The following RARB variants were observed in gnomAD, a reference collection of about 807,000 sequenced individuals.
RARB encodes retinoic acid receptor beta.
Under a neutral mutation model 51.9 loss-of-function variants are expected in RARB, and 17 were observed. The ratio of observed to expected loss-of-function variants is 0.33; its 90% CI spans 0.22 to 0.49. The LOEUF (loss-of-function observed/expected upper bound fraction) is 0.49, where lower values mean the gene tolerates loss of function less well. RARB is among the 20% of genes least tolerant of loss of function. The pLI is 0.99. For synonymous variants in RARB, 215 were observed against 195.4 expected (o/e 1.10, Z -0.84); for missense variants, 369 against 550.8 (o/e 0.67, Z 3.30).
chr3:24,912,972 A>ATTTTTTTTTTTTTTTTTTT lies in RARB; in HGVS notation c.-380+54222_-380+54223insTTTTTTTTTTTTTTTTTTT, dbSNP rs71622787. On this transcript the variant is annotated intron_variant, in intron 2 of 11. Coordinates refer to the RARB transcript ENST00000383772. ...GTGGCAATACGCACACAAGGTACTGATTCTTTTTTTTTTTTTTTTTTTTTT... is the reference window on the plus strand; with the variant it reads ...GTGGCAATACGCACACAAGGTACTGATTTTTTTTTTTTTTTTTTTTTCTTTTTTTTTTTTTTTTTTTTTT... Among the ~76,000 whole-genome samples the ATTTTTTTTTTTTTTTTTTT allele has an allele frequency of 4.2e-4, 24 of 57,640 alleles. 1 individual carries two copies. Among genetic ancestry groups the ATTTTTTTTTTTTTTTTTTT allele is most frequent in the Non-Finnish European group, 5.5e-4 (15 of 27,506 alleles). 37.8% of individuals were successfully genotyped at this position (57,640 alleles called of 152,430 possible).
intron 3 of RARB, among the ~76,000 whole-genome samples, chr3:25,548,890 A>G (rs1318073896): frequency 6.6e-6 from 1 of 152,158 alleles, no homozygotes. Flanking sequence ...AGGGTGAGCC[A>G]CAAGGTATCT....
rs769275874 is a variant in RARB, at chr3:24,989,774, C to CTTTTTTT, written c.-379-70321_-379-70315dup. ...ATTTTAACTGTTGTCATATGTTTTTCTTTTTTTTTTTTTTTTTTTTTTTTT... is the reference window on the plus strand; with the variant it reads ...ATTTTAACTGTTGTCATATGTTTTTCTTTTTTTTTTTTTTTTTTTTTTTTTTTTTTTT... On this transcript the variant is annotated intron_variant, in intron 2 of 11. Coordinates refer to the RARB transcript ENST00000383772. Among the ~76,000 whole-genome samples the CTTTTTTT allele has an allele frequency of 2.0e-4, 6 of 29,530 alleles. 1 individual carries two copies. Among genetic ancestry groups the CTTTTTTT allele is most frequent in the African/African-American group, 2.5e-4 (2 of 7,882 alleles). 19.4% of individuals were successfully genotyped at this position (29,530 alleles called of 152,430 possible).
intron 2 of RARB, among the ~76,000 whole-genome samples, chr3:24,980,326 G>C (rs1231612541): frequency 6.6e-6 from 1 of 152,152 alleles, no homozygotes; most frequent in East Asian, 1.9e-4. Flanking sequence ...TGCCTTGCTA[G>C]CTTGGGGAAG....
intron 1 of RARB, among the ~76,000 whole-genome samples, chr3:25,446,024 A>C (rs1708915982): frequency 6.6e-6 from 1 of 152,256 alleles, no homozygotes; most frequent in African/African-American, 2.4e-5. Flanking sequence ...CATGATAAAT[A>C]ATCCCAATAG....
chr3:25,205,736 T>C (rs2125374382), intron 5 of RARB, among the ~76,000 whole-genome samples: 1 of 151,198 alleles, frequency 6.6e-6, no homozygotes, highest in South Asian at 2.2e-4. Flanking sequence ...TAAAAACAAA[T>C]ATTAAAAACC....
intron 1 of RARB, among the ~76,000 whole-genome samples, chr3:25,437,210 G>C (rs1708473084): frequency 6.6e-6 from 1 of 150,882 alleles, no homozygotes; most frequent in Non-Finnish European, 1.5e-5. Flanking sequence ...CTAGGTGGCA[G>C]TCCTTTCTGT....
chr3:25,288,599 G>T (rs1703711554), intron 5 of RARB, among the ~76,000 whole-genome samples: 1 of 152,142 alleles, frequency 6.6e-6, no homozygotes, highest in African/African-American at 2.4e-5. Context: ...TCCATTTGGT[G>T]AATGATTACC....
At chr3:24,944,563 C>T (rs1349688613) in intron 2 of RARB, among the ~76,000 whole-genome samples, 1 of 152,138 alleles carries the variant, frequency 6.6e-6, no homozygotes, top group South Asian at 2.1e-4. Flanking sequence ...AGAATTTAAA[C>T]CTACAAATGC....
At chr3:25,155,667 A>G (rs760574007) in intron 4 of RARB, among the ~76,000 whole-genome samples, 3 of 152,204 alleles carry the variant, frequency 2.0e-5, no homozygotes, top group African/African-American at 7.2e-5. Context: ...AAAAAGCTTT[A>G]TGATCTCTCA....
intron 3 of RARB, among the ~76,000 whole-genome samples, chr3:25,545,654 T>TTCCTG (rs1364700692): frequency 6.6e-6 from 1 of 152,182 alleles, no homozygotes; most frequent in Non-Finnish European, 1.5e-5. Flanking sequence ...CTCTGCATTG[T>TTCCTG]TCCTGTCCTG....
rs187093669 is a variant in RARB, at chr3:25,515,956, C to G, written c.448+14633C>G. On this transcript the variant is annotated intron_variant, in intron 3 of 7. Transcript: ENST00000330688. ...GTGTTATCATCAAGAAGAGTAATAC[C>G]TCTCATTAGAAGAATCTTCCTTCCT... 1.5e-3 allele frequency among the ~76,000 whole-genome samples: 228 copies of G among 152,274 alleles called. 4 individuals are homozygous for G. Among genetic ancestry groups the G allele is most frequent in the Non-Finnish European group, 4.3e-4 (29 of 68,016 alleles).
At chr3:25,135,803 A>G (rs115693758) in intron 4 of RARB, among the ~76,000 whole-genome samples, 1,660 of 152,140 alleles carry the variant, frequency 0.011, 34 homozygotes, top group African/African-American at 0.038. Context: ...GGACATATCA[A>G]TCAGGCACCA....
chr3:25,302,374 G>A (rs772139578), intron 5 of RARB, among the ~76,000 whole-genome samples: 27 of 152,148 alleles, frequency 1.8e-4, no homozygotes, highest in Non-Finnish European at 3.4e-4. Context: ...ATATTCAACT[G>A]ATGAATGGAT....
chr3:25,225,861 A>G (rs1702044529), intron 5 of RARB, among the ~76,000 whole-genome samples: 1 of 152,226 alleles, frequency 6.6e-6, no homozygotes. Context: ...AGAGTTGAGC[A>G]ACCTGATAAT....
At chr3:25,065,207 C>T (rs562977879) in intron 3 of RARB, among the ~76,000 whole-genome samples, 17 of 151,198 alleles carry the variant, frequency 1.1e-4, no homozygotes, top group South Asian at 2.1e-4. Flanking sequence ...TATTAAAACT[C>T]CTTGCGAACA....
intron 3 of RARB, among the ~76,000 whole-genome samples, chr3:25,568,960 G>A (rs949563189): frequency 2.1e-4 from 32 of 152,332 alleles, no homozygotes; most frequent in African/African-American, 7.2e-4. Context: ...GAGGAAGCAC[G>A]GGCTTCCATA....
At chr3:25,513,326 G>A (rs1697997220) in intron 3 of RARB, among the ~76,000 whole-genome samples, 5 of 150,776 alleles carry the variant, frequency 3.3e-5, no homozygotes, top group Admixed American at 2.0e-4. Flanking sequence ...AGAGAAAGAA[G>A]GAAAGAAAGG....
chr3:25,173,848 G>C (rs1409736387), intron 4 of RARB, among the ~76,000 whole-genome samples: 1 of 152,178 alleles, frequency 6.6e-6, no homozygotes, highest in East Asian at 1.9e-4. Flanking sequence ...CTGCCATGGA[G>C]AAAAATTTAG....
In RARB at chr3:25,261,475, C is replaced by T. The variant is rs74508370; in HGVS notation, c.178+86900C>T. Among the ~76,000 whole-genome samples the T allele has an allele frequency of 6.2e-3, 949 of 152,218 alleles. 19 individuals carry two copies. Among genetic ancestry groups the T allele is most frequent in the African/African-American group, 0.022 (911 of 41,532 alleles). On this transcript the variant is annotated intron_variant, in intron 5 of 11. Transcript: ENST00000383772. ...TCTATTTTCAGCCTATCACTCTTCT[C>T]ATTCTGGAGTGATATAATTCAGTCT...
Sources: allele counts gnomAD v4.1 joint callset (sites outside exome capture counted in the v4.1 genomes callset), GRCh38; gene constraint gnomAD v4.1.1; transcripts MANE v1.5; gene names NCBI Gene and HGNC (gene_info 2026-07-23, HGNC 2026-07-21).